KCNJ16: variants seen among roughly 807,000 people sequenced by gnomAD.
KCNJ16 encodes the protein potassium inwardly rectifying channel subfamily J member 16, also known as inward rectifier potassium channel 16.
A neutral mutation model predicts 18.5 loss-of-function variants in KCNJ16; 15 were observed. The observed-to-expected ratio is 0.81, with a 90% confidence interval of 0.54 to 1.25. KCNJ16 has a LOEUF of 1.25. Ranked by LOEUF, KCNJ16 falls within the 50% of genes most tolerant of loss-of-function variation. KCNJ16 has a pLI of 0.00. For synonymous variants in KCNJ16, 174 were observed against 186.5 expected (o/e 0.93, Z 0.55); for missense variants, 523 against 525.7 (o/e 0.99, Z 0.05).
intron 2 of KCNJ16, chr17:70,101,092 T>C (rs2072599791): frequency 6.6e-6 from 1 of 152,238 alleles, no homozygotes; most frequent in South Asian, 2.1e-4. Flanking sequence ...ACTTGGTTAT[T>C]TGAGTCTAGA....
chr17:70,088,082 G>A (rs1281675543), intron 1 of KCNJ16, among the ~76,000 whole-genome samples: 1 of 150,870 alleles, frequency 6.6e-6, no homozygotes, highest in Non-Finnish European at 1.5e-5. Flanking sequence ...AGTAGTCTAG[G>A]CCAAGGCACC....
At chr17:70,094,954 G>C (rs2143759765) in intron 1 of KCNJ16, among the ~76,000 whole-genome samples, 1 of 152,234 alleles carries the variant, frequency 6.6e-6, no homozygotes, top group African/African-American at 2.4e-5. Flanking sequence ...ATTAAGTTCA[G>C]ACAGATTCAA....
intron 2 of KCNJ16, among the ~76,000 whole-genome samples, chr17:70,123,098 T>A (rs2073711855): frequency 6.6e-6 from 1 of 152,182 alleles, no homozygotes; most frequent in African/African-American, 2.4e-5. Flanking sequence ...TGCCCTTGGT[T>A]CAGATATTTC....
intron 3 of KCNJ16, 111 bp downstream of exon 3, chr17:70,131,086 A>G: frequency 8.5e-7 from 1 of 1,171,182 alleles, no homozygotes; most frequent in Non-Finnish European, 1.2e-6. Flanking sequence ...GAAAAGCCGG[A>G]GAGAAGGGTT....
intron 1 of KCNJ16, among the ~76,000 whole-genome samples, chr17:70,086,572 A>T (rs948197962): frequency 1.3e-5 from 2 of 152,232 alleles, no homozygotes; most frequent in Admixed American, 1.3e-4. Flanking sequence ...TCCATGGAAG[A>T]ATGCCTCTTG....
chr17:70,075,576 A>T (rs2071269596), intron 1 of KCNJ16, among the ~76,000 whole-genome samples, 186 bp downstream of exon 1: 1 of 152,190 alleles, frequency 6.6e-6, no homozygotes, highest in Admixed American at 6.5e-5. Context: ...ACAGTGTGTC[A>T]TATTCCTTAA....
At chr17:70,101,158 G>C (rs976286738) in intron 2 of KCNJ16, 4 of 152,126 alleles carry the variant, frequency 2.6e-5, no homozygotes, top group Non-Finnish European at 5.9e-5. Context: ...GGCAATGTCT[G>C]GTCACATTTT....
At chr17:70,082,752 C>CT (rs2071609758) in intron 1 of KCNJ16, among the ~76,000 whole-genome samples, 1 of 152,092 alleles carries the variant, frequency 6.6e-6, no homozygotes. Context: ...GGATAGAGTG[C>CT]TTAAGATGGT....
chr17:70,081,273 T>C (rs1322854714), intron 1 of KCNJ16, among the ~76,000 whole-genome samples: 2 of 152,190 alleles, frequency 1.3e-5, no homozygotes, highest in Non-Finnish European at 2.9e-5. Context: ...TTTGAACAAA[T>C]TATCTAAGAC....
rs2074032414 is a variant in KCNJ16, at chr17:70,130,914, A to C, written c.-155A>C. On this transcript the variant is annotated 5_prime_UTR_variant, in exon 3 of 4. An upstream open reading frame in the 5' UTR loses its in-frame stop. Coordinates refer to ENST00000392671, the MANE Select transcript of KCNJ16 (RefSeq NM_170741.4). ...AGATGATTTTGATGTTGCAGTTTTAAATTTCACTTTGACTTGAGCTGGGAA... is the reference window on the plus strand; with the variant it reads ...AGATGATTTTGATGTTGCAGTTTTACATTTCACTTTGACTTGAGCTGGGAA... 6.6e-7 allele frequency: 1 copy of C among 1,516,376 alleles called. No homozygotes were observed. Among genetic ancestry groups the C allele is most frequent in the South Asian group, 1.2e-5 (1 of 83,596 alleles). 93.9% of individuals were successfully genotyped at this position (1,516,376 alleles called of 1,614,324 possible).
At chr17:70,126,920 T>C (rs770801062) in intron 2 of KCNJ16, among the ~76,000 whole-genome samples, 3 of 152,210 alleles carry the variant, frequency 2.0e-5, no homozygotes, top group African/African-American at 4.8e-5. Context: ...CAGATGTAGA[T>C]ACTACTTAAG....
At chr17:70,095,042 A>G (rs2068347555) in intron 1 of KCNJ16, among the ~76,000 whole-genome samples, 1 of 152,238 alleles carries the variant, frequency 6.6e-6, no homozygotes, top group Non-Finnish European at 1.5e-5. Flanking sequence ...CCTAAAAAAA[A>G]GCAATTAGAT....
intron 1 of KCNJ16, among the ~76,000 whole-genome samples, chr17:70,097,748 C>T (rs2072445253): frequency 6.6e-6 from 1 of 152,116 alleles, no homozygotes; most frequent in Non-Finnish European, 1.5e-5. Flanking sequence ...CATCTGTATC[C>T]ACTCTTTCCT....
At chr17:70,102,526 C>T (rs2072692630) in intron 2 of KCNJ16, among the ~76,000 whole-genome samples, 1 of 152,092 alleles carries the variant, frequency 6.6e-6, no homozygotes, top group African/African-American at 2.4e-5. Flanking sequence ...GCTACCTGCA[C>T]AAGTAGTTAT....
At chr17:70,083,999 T>A (rs1295892936) in intron 1 of KCNJ16, among the ~76,000 whole-genome samples, 1 of 152,056 alleles carries the variant, frequency 6.6e-6, no homozygotes, top group African/African-American at 2.4e-5. Flanking sequence ...GTACCCTCCC[T>A]CTGTAACACA....
intron 2 of KCNJ16, among the ~76,000 whole-genome samples, chr17:70,123,413 C>T (rs1480746260): frequency 6.6e-6 from 1 of 152,072 alleles, no homozygotes; most frequent in Non-Finnish European, 1.5e-5. Context: ...TTTGCTTCCT[C>T]TTCTTATTGA....
At chr17:70,079,077 A>G (rs8078869) in intron 1 of KCNJ16, among the ~76,000 whole-genome samples, 139,047 of 152,142 alleles carry the variant, frequency 0.91, 63,706 homozygotes, top group East Asian at 1. Context: ...ACAGGAGAGC[A>G]AGAGGGAGAA....
chr17:70,125,693 G>A (rs968693300), intron 2 of KCNJ16, among the ~76,000 whole-genome samples: 13 of 152,196 alleles, frequency 8.5e-5, no homozygotes, highest in Non-Finnish European at 1.9e-4. Flanking sequence ...CACTTTGGGA[G>A]GCCAAGGAGG....
intron 2 of KCNJ16, among the ~76,000 whole-genome samples, chr17:70,113,324 G>A (rs2073265966): frequency 6.6e-6 from 1 of 152,124 alleles, no homozygotes; most frequent in Admixed American, 6.6e-5. Flanking sequence ...CACCATAGAA[G>A]TCTATATTCT....
Sources: allele counts gnomAD v4.1 joint callset (sites outside exome capture counted in the v4.1 genomes callset), GRCh38; gene constraint gnomAD v4.1.1; transcripts MANE v1.5; gene names NCBI Gene and HGNC (gene_info 2026-07-23, HGNC 2026-07-21).